Variants in PDE4D observed in about 807,000 individuals in gnomAD.
PDE4D encodes 3',5'-cyclic-AMP phosphodiesterase 4D.
PDE4D carries 24 observed loss-of-function variants against 87.4 expected under a neutral mutation model. That is an observed-to-expected ratio of 0.27 (90% confidence interval 0.20 to 0.39). PDE4D has a LOEUF of 0.39. PDE4D is among the 10% of genes least tolerant of loss of function. The pLI, the probability that PDE4D is intolerant of heterozygous loss-of-function variation, is 1.00. For synonymous variants in PDE4D, 384 were observed against 383.2 expected (o/e 1.00, Z -0.02); for missense variants, 714 against 1,041.0 (o/e 0.69, Z 4.32).
In PDE4D at chr5:60,466,284, T is replaced by C. The variant is rs372179949; in HGVS notation, c.-90+21658A>G. Among the ~76,000 whole-genome samples, 25 of 152,306 alleles carry C rather than the reference T, an allele frequency of 1.6e-4. No homozygotes were observed. The South Asian group carries it at 5.0e-3, about 30-fold the overall frequency. On this transcript the variant is annotated intron_variant, in intron 1 of 16. Coordinates refer to the PDE4D transcript ENST00000502484. ...AATTCCACAAATTGGCTGCTTGTTGTTCAAGACAGAGACCCTCACGGATAA... is the reference window on the plus strand; with the variant it reads ...AATTCCACAAATTGGCTGCTTGTTGCTCAAGACAGAGACCCTCACGGATAA...
intron 1 of PDE4D, among the ~76,000 whole-genome samples, chr5:60,358,309 C>A (rs1241389489): frequency 6.6e-6 from 1 of 152,174 alleles, no homozygotes; most frequent in Non-Finnish European, 1.5e-5. Context: ...GAGATAGAAG[C>A]AAAACATGGG....
At chr5:60,436,799 G>A (rs1233810455) in intron 1 of PDE4D, among the ~76,000 whole-genome samples, 1 of 151,996 alleles carries the variant, frequency 6.6e-6, no homozygotes, top group Non-Finnish European at 1.5e-5. Context: ...TAGGCTCAAT[G>A]AAGTAATGGG....
intron 1 of PDE4D, among the ~76,000 whole-genome samples, chr5:60,462,458 C>T (rs545801386): frequency 6.6e-6 from 1 of 152,224 alleles, no homozygotes; most frequent in Admixed American, 6.5e-5. Context: ...GGGTCTTGTC[C>T]TGGGCCCTCA....
chr5:59,675,191 T>C (rs1747864385), intron 1 of PDE4D, among the ~76,000 whole-genome samples: 1 of 61,118 alleles, frequency 1.6e-5, no homozygotes. Flanking sequence ...TTCAAATCTA[T>C]AATACACAGT....
intron 3 of PDE4D, among the ~76,000 whole-genome samples, chr5:59,946,207 C>T (rs1328794494): frequency 6.6e-6 from 1 of 152,158 alleles, no homozygotes; most frequent in East Asian, 1.9e-4. Context: ...ACATCTGCCA[C>T]CCAAGTGCTG....
chr5:60,106,974 C>T (rs1210280154), intron 2 of PDE4D, among the ~76,000 whole-genome samples: 2 of 151,828 alleles, frequency 1.3e-5, no homozygotes, highest in African/African-American at 4.8e-5. Context: ...CAAACACATT[C>T]AAAAGCTAGC....
At chr5:59,862,168 C>T (rs1746378147) in intron 1 of PDE4D, among the ~76,000 whole-genome samples, 1 of 152,168 alleles carries the variant, frequency 6.6e-6, no homozygotes, top group African/African-American at 2.4e-5. Context: ...ATTCCCAAGG[C>T]TACATCCTAT....
chr5:59,142,095 T>G (rs1246731124), intron 5 of PDE4D, among the ~76,000 whole-genome samples: 1 of 152,136 alleles, frequency 6.6e-6, no homozygotes, highest in Middle Eastern at 3.2e-3. Context: ...AATATTAGGC[T>G]GATAATAACT....
At chr5:59,709,616 CG>C (rs1753920838) in intron 1 of PDE4D, among the ~76,000 whole-genome samples, 1 of 152,148 alleles carries the variant, frequency 6.6e-6, no homozygotes, top group Non-Finnish European at 1.5e-5. Flanking sequence ...TGAACAGAAA[CG>C]TTAGTCCAGA....
At chr5:59,950,888 T>C (rs1209143110) in intron 3 of PDE4D, among the ~76,000 whole-genome samples, 4 of 152,246 alleles carry the variant, frequency 2.6e-5, no homozygotes, top group African/African-American at 9.6e-5. Context: ...CCAGGGCAAC[T>C]CTGAATAGAG....
intron 2 of PDE4D, among the ~76,000 whole-genome samples, chr5:60,045,345 G>C (rs936016865): frequency 6.6e-6 from 1 of 152,108 alleles, no homozygotes; most frequent in Non-Finnish European, 1.5e-5. Flanking sequence ...TTCTTTTGCT[G>C]TGCAGAAGCT....
chr5:60,409,543 C>G (rs1741867339), intron 1 of PDE4D, among the ~76,000 whole-genome samples: 1 of 152,194 alleles, frequency 6.6e-6, no homozygotes, highest in South Asian at 2.1e-4. Context: ...TCATCATCAT[C>G]ATCATCATCA....
intron 1 of PDE4D, among the ~76,000 whole-genome samples, chr5:59,555,898 C>G (rs1288348213): frequency 1.3e-5 from 2 of 152,114 alleles, no homozygotes; most frequent in Non-Finnish European, 2.9e-5. Context: ...GTTTTTGAGC[C>G]AGAGCTTCAT....
At chr5:60,501,500 C>A (rs1389624698) in intron 1 of PDE4D, among the ~76,000 whole-genome samples, 1 of 151,238 alleles carries the variant, frequency 6.6e-6, no homozygotes, top group Non-Finnish European at 1.5e-5. Flanking sequence ...ATTTATAGTC[C>A]TTTGGGTATA....
intron 1 of PDE4D, among the ~76,000 whole-genome samples, chr5:59,723,652 C>G (rs114594199): frequency 1.3e-5 from 2 of 152,196 alleles, no homozygotes; most frequent in Admixed American, 1.3e-4. Context: ...TACTTTATTC[C>G]TGAATCATAG....
Position 60,159,200 on chromosome 5 carries a change from G to T in PDE4D, c.42+26357C>A, listed in dbSNP as rs370272942. 2.0e-4 allele frequency among the ~76,000 whole-genome samples: 30 copies of T among 152,256 alleles called. No individual in the cohort carries two copies. The South Asian group carries it at 3.5e-3, about 18-fold the overall frequency. The stretch of plus-strand genomic sequence containing the variant: ...TCTACCTCCACATCTTGTCCCACTG[G>T]AAGGTCTTTAGGGGCAATAACACAC... On this transcript the variant is annotated intron_variant, in intron 2 of 16. Transcript: ENST00000502484.
intron 1 of PDE4D, among the ~76,000 whole-genome samples, chr5:59,484,016 A>G (rs1372879964): frequency 1.3e-5 from 2 of 152,228 alleles, no homozygotes; most frequent in Non-Finnish European, 2.9e-5. Context: ...GCAGAACACA[A>G]TTTATTGTGA....
chr5:60,070,624 A>G (rs996296312), intron 2 of PDE4D, among the ~76,000 whole-genome samples: 5 of 152,006 alleles, frequency 3.3e-5, no homozygotes, highest in African/African-American at 1.2e-4. Flanking sequence ...TTGTATGTTC[A>G]TTCTTCAGGG....
intron 5 of PDE4D, among the ~76,000 whole-genome samples, chr5:59,088,600 C>T (rs1768141271): frequency 6.6e-6 from 1 of 152,166 alleles, no homozygotes; most frequent in Non-Finnish European, 1.5e-5. Context: ...TACATAAACA[C>T]CATGGAATAC....
Sources: allele counts gnomAD v4.1 joint callset (sites outside exome capture counted in the v4.1 genomes callset), GRCh38; gene constraint gnomAD v4.1.1; transcripts MANE v1.5; gene names NCBI Gene and HGNC (gene_info 2026-07-23, HGNC 2026-07-21).